TOX3: variants seen among roughly 807,000 people sequenced by gnomAD.
TOX3 encodes CAG trinucleotide repeat-containing gene F9 protein.
TOX3 carries 22 observed loss-of-function variants against 64.3 expected under a neutral mutation model. That is an observed-to-expected ratio of 0.34 (90% CI 0.24 to 0.49). TOX3 has a LOEUF of 0.49. Ranked by LOEUF, TOX3 falls within the 20% of genes least tolerant of loss-of-function variation. The pLI, the probability that TOX3 is intolerant of heterozygous loss-of-function variation, is 0.99. For missense variants in TOX3, 661 were observed against 714.4 expected, an observed-to-expected ratio of 0.93 and a Z score of 0.85; for synonymous variants, 291 against 273.6, an observed-to-expected ratio of 1.06 and a Z score of -0.63.
At chr16:52,534,467 A>C (rs1181050822) in intron 1 of TOX3, among the ~76,000 whole-genome samples, 1 of 152,038 alleles carries the variant, frequency 6.6e-6, no homozygotes, top group Non-Finnish European at 1.5e-5. Context: ...GTGAGACCCC[A>C]TCTCTACAAA....
At chr16:52,462,147 C>T (rs1206479125) in intron 3 of TOX3, among the ~76,000 whole-genome samples, 1 of 152,032 alleles carries the variant, frequency 6.6e-6, no homozygotes, top group Non-Finnish European at 1.5e-5. Flanking sequence ...GTGATGAGGT[C>T]CATGTAAATA....
chr16:52,534,599 G>A (rs1962912536), intron 1 of TOX3, among the ~76,000 whole-genome samples: 1 of 151,880 alleles, frequency 6.6e-6, no homozygotes, highest in Non-Finnish European at 1.5e-5. Flanking sequence ...TCACACCACT[G>A]CACTCCAGCC....
At chr16:52,497,461 A>G (rs1218070568) in intron 1 of TOX3, among the ~76,000 whole-genome samples, 2 of 152,232 alleles carry the variant, frequency 1.3e-5, no homozygotes, top group African/African-American at 2.4e-5. Context: ...CCAGTGCTGT[A>G]CAAGATTCCA....
intron 1 of TOX3, among the ~76,000 whole-genome samples, chr16:52,497,256 T>G (rs1961873452): frequency 6.6e-6 from 1 of 152,184 alleles, no homozygotes; most frequent in Non-Finnish European, 1.5e-5. Flanking sequence ...TGTACAACTG[T>G]AACTAAGTAC....
intron 1 of TOX3, among the ~76,000 whole-genome samples, chr16:52,540,797 T>G (rs1254379542): frequency 3.3e-5 from 5 of 152,156 alleles, no homozygotes; most frequent in African/African-American, 1.2e-4. Context: ...CTTGTAGCCA[T>G]GGGAAGACTG....
intron 1 of TOX3, among the ~76,000 whole-genome samples, chr16:52,542,079 G>T (rs1440524236): frequency 6.6e-6 from 1 of 152,162 alleles, no homozygotes; most frequent in Non-Finnish European, 1.5e-5. Flanking sequence ...TGCAGGATGT[G>T]GATGCATTTT....
At chr16:52,536,436 A>G (rs1048390246) in intron 1 of TOX3, among the ~76,000 whole-genome samples, 5 of 151,370 alleles carry the variant, frequency 3.3e-5, no homozygotes, top group African/African-American at 1.2e-4. Context: ...AAGTTCAAAA[A>G]GATGGGATGA....
intron 1 of TOX3, among the ~76,000 whole-genome samples, chr16:52,531,677 C>T (rs911593700): frequency 6.6e-6 from 1 of 152,116 alleles, no homozygotes; most frequent in African/African-American, 2.4e-5. Context: ...TAGGTAGATA[C>T]AGCAGAAATG....
chr16:52,515,378 T>A (rs890268349), intron 1 of TOX3, among the ~76,000 whole-genome samples: 1 of 152,124 alleles, frequency 6.6e-6, no homozygotes, highest in African/African-American at 2.4e-5. Context: ...AACTAAAAAG[T>A]ATAATTTTTA....
intron 5 of TOX3, chr16:52,445,055 G>C (rs1960122615): frequency 6.6e-6 from 1 of 152,180 alleles, no homozygotes; most frequent in Non-Finnish European, 1.5e-5. Flanking sequence ...GAGTTTAAAA[G>C]TTAGGTGCAG....
At chr16:52,515,516 G>A (rs762540887) in intron 1 of TOX3, among the ~76,000 whole-genome samples, 3 of 152,138 alleles carry the variant, frequency 2.0e-5, no homozygotes, top group Admixed American at 6.5e-5. Context: ...GAAGCTGGGC[G>A]GTTTGTGTTT....
At chr16:52,506,391 G>C (rs1287636065) in intron 1 of TOX3, among the ~76,000 whole-genome samples, 2 of 152,134 alleles carry the variant, frequency 1.3e-5, no homozygotes, top group Non-Finnish European at 2.9e-5. Context: ...TCTCTCAAAG[G>C]TGAGAAATCA....
chr16:52,481,645 G>A lies in TOX3; in HGVS notation c.88-13071C>T, dbSNP rs200346809. Among the ~76,000 whole-genome samples the A allele has an allele frequency of 2.6e-5, 4 of 152,310 alleles. No homozygotes were observed. The East Asian group carries it at 7.7e-4, about 29-fold the overall frequency. On this transcript the variant is annotated intron_variant, in intron 1 of 6. Coordinates refer to ENST00000219746, the MANE Select transcript of TOX3 (RefSeq NM_001080430.4). ...AGAGCAAGTCTAAGATAGCTGATAA[G>A]AAATTATGGGAATCTATGAAACCAC...
At chr16:52,475,214 T>G (rs1344471418) in intron 1 of TOX3, among the ~76,000 whole-genome samples, 1 of 152,210 alleles carries the variant, frequency 6.6e-6, no homozygotes, top group African/African-American at 2.4e-5. Flanking sequence ...AAGATAAGAA[T>G]GTTTTGTCTG....
chr16:52,501,733 G>A (rs1962009319), intron 1 of TOX3, among the ~76,000 whole-genome samples: 1 of 151,304 alleles, frequency 6.6e-6, no homozygotes, highest in Non-Finnish European at 1.5e-5. Flanking sequence ...CAACCTTAAT[G>A]CTCACTCCCT....
At chr16:52,487,050 C>T (rs1961551636) in intron 1 of TOX3, among the ~76,000 whole-genome samples, 1 of 151,988 alleles carries the variant, frequency 6.6e-6, no homozygotes, top group African/African-American at 2.4e-5. Flanking sequence ...TATAAATTAT[C>T]CCTGTGTAGA....
intron 1 of TOX3, among the ~76,000 whole-genome samples, chr16:52,492,564 AATAT>A (rs56848244): frequency 0.033 from 2,977 of 90,670 alleles, 161 homozygotes; most frequent in East Asian, 0.25. Flanking sequence ...GTTGTATATA[AATAT>A]ATATATATAT....
At chr16:52,512,446 A>G (rs1258953681) in intron 1 of TOX3, among the ~76,000 whole-genome samples, 1 of 152,230 alleles carries the variant, frequency 6.6e-6, no homozygotes, top group Non-Finnish European at 1.5e-5. Context: ...TACTCAGAGC[A>G]TAGTTGCTGC....
At chr16:52,533,750 A>T (rs1019695402) in intron 1 of TOX3, among the ~76,000 whole-genome samples, 1 of 152,248 alleles carries the variant, frequency 6.6e-6, no homozygotes, top group Admixed American at 6.5e-5. Context: ...AAAAGTTGTT[A>T]CAAGTGAGGT....
Sources: gnomAD v4.1 joint callset for allele counts (sites outside exome capture counted in the v4.1 genomes callset) on GRCh38, gnomAD v4.1.1 for gene constraint, MANE v1.5 for transcripts, NCBI Gene and HGNC (gene_info 2026-07-23, HGNC 2026-07-21) for gene names.